CIMAP1D: variants seen among roughly 807,000 people sequenced by gnomAD.
CIMAP1D encodes the protein protein CIMAP1D.
chr19:463,824 G>A, the CIMAP1D span: 4 of 1,600,268 alleles, frequency 2.5e-6, no homozygotes, highest in Non-Finnish European at 3.4e-6. Context: ...CCCGTTCACT[G>A]TGTGGGAAAC....
the CIMAP1D span, among the ~76,000 whole-genome samples, chr19:482,596 A>G: frequency 1.4e-5 from 2 of 140,962 alleles, no homozygotes; most frequent in African/African-American, 5.1e-5. Flanking sequence ...ACAGGGTGAG[A>G]TCGGCAGGGC....
chr19:479,420 G>T, the CIMAP1D span, among the ~76,000 whole-genome samples: 62 of 146,260 alleles, frequency 4.2e-4, 1 homozygote, highest in Non-Finnish European at 7.6e-4. Flanking sequence ...TTGGGGGGGG[G>T]GGGGATGGAG....
chr19:474,517 A>G, the CIMAP1D span: 19 of 1,204,132 alleles, frequency 1.6e-5, no homozygotes, highest in Non-Finnish European at 2.1e-5. Flanking sequence ...GACTTGCCTG[A>G]AACTCCTGCC....
the CIMAP1D span, among the ~76,000 whole-genome samples, chr19:481,398 G>GGAGAAGGATGAT: frequency 1.1e-5 from 1 of 95,206 alleles, no homozygotes; most frequent in African/African-American, 7.4e-5. Context: ...GAAGGATGAT[G>GGAGAAGGATGAT]GGGAAGGATG....
At chr19:471,474 ACT>A in the CIMAP1D span, among the ~76,000 whole-genome samples, 1 of 122,224 alleles carries the variant, frequency 8.2e-6, no homozygotes, top group Non-Finnish European at 1.8e-5. Flanking sequence ...ACGAGGTCTC[ACT>A]CTGTCGCCCA....
chr19:468,060 G>A, the CIMAP1D span, among the ~76,000 whole-genome samples: 3 of 152,198 alleles, frequency 2.0e-5, no homozygotes, highest in African/African-American at 7.2e-5. Context: ...CAGCTCGTGG[G>A]TTTGTTGGAA....
the CIMAP1D span, chr19:472,569 C>T: frequency 6.0e-6 from 7 of 1,165,608 alleles, no homozygotes; most frequent in Non-Finnish European, 8.3e-6. Context: ...CTGGACCCAG[C>T]TCCTGAGCCT....
At chr19:485,749 C>T in the CIMAP1D span, among the ~76,000 whole-genome samples, 13 of 152,350 alleles carry the variant, frequency 8.5e-5, no homozygotes, top group African/African-American at 1.9e-4. Context: ...CCCAGGAGGC[C>T]GGGTTCCTCC....
At chr19:480,586 GA>G in the CIMAP1D span, among the ~76,000 whole-genome samples, 12 of 142,866 alleles carry the variant, frequency 8.4e-5, no homozygotes, top group East Asian at 2.2e-4. Context: ...GATGGAGAAG[GA>G]ATGTGGGAAG....
the CIMAP1D span, among the ~76,000 whole-genome samples, chr19:468,208 A>C: frequency 1.3e-5 from 2 of 152,072 alleles, no homozygotes; most frequent in East Asian, 3.8e-4. Context: ...TCTACTAAAA[A>C]TTTAAAACTT....
the CIMAP1D span, among the ~76,000 whole-genome samples, chr19:483,749 G>A: frequency 6.6e-6 from 1 of 152,220 alleles, no homozygotes; most frequent in East Asian, 1.9e-4. Flanking sequence ...TGGGTCCCCG[G>A]AAGCTCTGGG....
At chr19:464,940 ATAGG>A in the CIMAP1D span, among the ~76,000 whole-genome samples, 3 of 119,568 alleles carry the variant, frequency 2.5e-5, no homozygotes, top group East Asian at 6.5e-4. Flanking sequence ...GGAACGGTTG[ATAGG>A]TAGAAGGAAA....
At chr19:483,680 G>C in the CIMAP1D span, among the ~76,000 whole-genome samples, 3 of 152,176 alleles carry the variant, frequency 2.0e-5, no homozygotes, top group Non-Finnish European at 4.4e-5. Context: ...ACCCCACCTG[G>C]GATGTCCACA....
At chr19:477,942 C>T in the CIMAP1D span, among the ~76,000 whole-genome samples, 927 of 152,352 alleles carry the variant, frequency 6.1e-3, 6 homozygotes, top group South Asian at 0.023. Flanking sequence ...GCCCCTAAGA[C>T]GGTCTCCACC....
the CIMAP1D span, chr19:489,778 C>G: frequency 8.3e-6 from 3 of 360,054 alleles, no homozygotes; most frequent in Non-Finnish European, 1.5e-5. Flanking sequence ...ACTGCAGGGA[C>G]GGAGAGCGCG....
the CIMAP1D span, among the ~76,000 whole-genome samples, chr19:488,504 A>G: frequency 6.6e-6 from 1 of 152,250 alleles, no homozygotes; most frequent in Non-Finnish European, 1.5e-5. Context: ...CCTGGGCGAC[A>G]GAGCGAGACT....
At chr19:484,189 G>T in the CIMAP1D span, among the ~76,000 whole-genome samples, 1 of 135,950 alleles carries the variant, frequency 7.4e-6, no homozygotes, top group African/African-American at 2.8e-5. Context: ...TCACCAGGCT[G>T]CAGTGCAATG....
the CIMAP1D span, among the ~76,000 whole-genome samples, chr19:472,193 A>G: frequency 1.3e-5 from 2 of 152,170 alleles, no homozygotes; most frequent in East Asian, 1.9e-4. Flanking sequence ...CTCATTATCA[A>G]TGAAAAAACA....
chr19:478,304 AGG>A, the CIMAP1D span, among the ~76,000 whole-genome samples: 1 of 98,416 alleles, frequency 1.0e-5, no homozygotes, highest in South Asian at 4.4e-4. Context: ...CCGGGTCACC[AGG>A]TCCAGGCCAC....
Sources: gnomAD v4.1 joint callset for allele counts (sites outside exome capture counted in the v4.1 genomes callset) on GRCh38, gnomAD v4.1.1 for gene constraint, MANE v1.5 for transcripts, NCBI Gene and HGNC (gene_info 2026-07-23, HGNC 2026-07-21) for gene names.